Variants in NBEA observed in about 807,000 individuals in gnomAD.
NBEA encodes the protein neurobeachin.
Under a neutral mutation model 343.4 loss-of-function variants are expected in NBEA, and 44 were observed. The observed-to-expected ratio is 0.13, with a 90% CI of 0.10 to 0.16. The LOEUF is 0.16. Ranked by LOEUF, NBEA falls within the 10% of genes least tolerant of loss-of-function variation. The pLI is 1.00. For synonymous variants in NBEA, 1,175 were observed against 1,238.7 expected, an observed-to-expected ratio of 0.95 and a Z score of 1.08; for missense variants, 2,555 against 3,631.3, an observed-to-expected ratio of 0.70 and a Z score of 7.62.
chr13:35,522,908 G>T (rs1395484965), intron 41 of NBEA, among the ~76,000 whole-genome samples: 2 of 151,116 alleles, frequency 1.3e-5, no homozygotes, highest in Admixed American at 6.6e-5. Flanking sequence ...GTGCCAGAAA[G>T]GTTGAGGACT....
intron 35 of NBEA, among the ~76,000 whole-genome samples, chr13:35,307,878 T>C (rs965568918): frequency 2.0e-5 from 3 of 152,074 alleles, no homozygotes; most frequent in African/African-American, 7.2e-5. Flanking sequence ...TTTTCTGTAA[T>C]TGTTTTATAC....
At chr13:35,014,166 G>A (rs886673472) in intron 1 of NBEA, among the ~76,000 whole-genome samples, 2 of 152,014 alleles carry the variant, frequency 1.3e-5, no homozygotes, top group Non-Finnish European at 2.9e-5. Flanking sequence ...TCTCAAGCAG[G>A]TTCTGTGAAT....
At chr13:35,585,020 T>C (rs777985121) in intron 46 of NBEA, among the ~76,000 whole-genome samples, 1 of 151,320 alleles carries the variant, frequency 6.6e-6, no homozygotes, top group Non-Finnish European at 1.5e-5. Flanking sequence ...TCCCTCATTC[T>C]TTCTTCTTGG....
intron 10 of NBEA, among the ~76,000 whole-genome samples, chr13:35,084,748 G>C (rs558247772): frequency 6.6e-6 from 1 of 152,128 alleles, no homozygotes; most frequent in African/African-American, 2.4e-5. Context: ...AGAACTAAAG[G>C]AAATAGAGAC....
intron 41 of NBEA, among the ~76,000 whole-genome samples, chr13:35,533,584 C>A (rs929731266): frequency 6.6e-6 from 1 of 152,112 alleles, no homozygotes; most frequent in African/African-American, 2.4e-5. Context: ...AAGAATTTTT[C>A]TGCTCTAGCA....
At chr13:35,288,566 A>G (rs1301280552) in intron 34 of NBEA, among the ~76,000 whole-genome samples, 4 of 151,794 alleles carry the variant, frequency 2.6e-5, no homozygotes, top group Non-Finnish European at 5.9e-5. Context: ...ATTTGTTTAT[A>G]TTTTTCTTAT....
intron 38 of NBEA, among the ~76,000 whole-genome samples, chr13:35,362,487 A>G (rs1335581002): frequency 6.6e-6 from 1 of 151,842 alleles, no homozygotes; most frequent in Non-Finnish European, 1.5e-5. Context: ...TTTTACCTAG[A>G]AATGTGCTCT....
Position 34,974,409 on chromosome 13 carries a change from A to G in NBEA, c.294+31295A>G, listed in dbSNP as rs189048503. Among the ~76,000 whole-genome samples, 20 of 152,240 alleles carry G rather than the reference A, an allele frequency of 1.3e-4. No individual in the cohort carries two copies. In the South Asian group the frequency reaches 2.3e-3, roughly 17 times the overall value. ...GGAATGAATAAGCAAGCTGATATCA[A>G]TTTATCAGCTTATCTTGTTAGTTTC... On this transcript the variant is annotated intron_variant, in intron 1 of 58. Coordinates refer to ENST00000379939, the MANE Select transcript of NBEA (RefSeq NM_001385012.1).
chr13:35,267,170 A>G (rs1446972491), intron 34 of NBEA, among the ~76,000 whole-genome samples: 1 of 151,840 alleles, frequency 6.6e-6, no homozygotes, highest in Non-Finnish European at 1.5e-5. Context: ...ACGGAATAAA[A>G]TCCATATATA....
intron 45 of NBEA, among the ~76,000 whole-genome samples, chr13:35,569,759 G>T (rs1566337654): frequency 6.6e-6 from 1 of 152,130 alleles, no homozygotes; most frequent in Admixed American, 6.5e-5. Flanking sequence ...AGGTATAGTA[G>T]GGACTGTGCC....
rs2069439682 is a variant in NBEA at position 35,159,926 on chromosome 13, T to C, written c.3755T>C (p.Val1252Ala). 1.3e-6 allele frequency: 2 copies of C among 1,594,188 alleles called. No homozygotes were observed. The highest frequency in any genetic ancestry group is 2.7e-5 in the African/African-American group (2 of 74,564). ...ACTGAGTCTTCTAGTAGCAAAATTG[T>C]ACCAAATATTGATGCAGGAAGTATA... ...LETESSSSKI[V>A]PNIDAGSIIS... Residue 1252 changes from valine (V) to alanine (A), a missense_variant, in exon 22 of 59, where the codon GTA becomes GCA. By Grantham distance (64) the Val-to-Ala change is moderately conservative (BLOSUM62 0). Transcript: ENST00000379939.
intron 6 of NBEA, among the ~76,000 whole-genome samples, chr13:35,055,239 A>G (rs1406045356): frequency 6.6e-6 from 1 of 152,228 alleles, no homozygotes; most frequent in East Asian, 1.9e-4. Flanking sequence ...AATTATTTCT[A>G]TATTCTCGAT....
intron 17 of NBEA, among the ~76,000 whole-genome samples, chr13:35,137,178 C>T (rs774407013): frequency 6.6e-6 from 1 of 152,118 alleles, no homozygotes; most frequent in Non-Finnish European, 1.5e-5. Context: ...TGGCCGGGCA[C>T]GGTGGCTCAT....
chr13:34,967,617 G>A (rs906740357), intron 1 of NBEA, among the ~76,000 whole-genome samples: 5 of 152,034 alleles, frequency 3.3e-5, no homozygotes, highest in Non-Finnish European at 5.9e-5. Context: ...GACCAAAAAT[G>A]TGTGAAACAG....
intron 31 of NBEA, among the ~76,000 whole-genome samples, chr13:35,203,111 T>C (rs1289812873): frequency 2.0e-5 from 3 of 152,200 alleles, no homozygotes; most frequent in Non-Finnish European, 2.9e-5. Context: ...ATCTGTGACA[T>C]AGCAGCCAGA....
chr13:35,422,052 G>T (rs2044306251), intron 38 of NBEA, among the ~76,000 whole-genome samples: 2 of 145,708 alleles, frequency 1.4e-5, no homozygotes, highest in Admixed American at 6.8e-5. Flanking sequence ...TTATGTTTTT[G>T]CCAAATTTAG....
intron 1 of NBEA, among the ~76,000 whole-genome samples, chr13:35,029,390 G>T (rs9530039): frequency 0.38 from 57,384 of 151,200 alleles, 11,535 homozygotes; most frequent in East Asian, 0.49. Flanking sequence ...AACAAATCCA[G>T]AGTTTGAGAG....
chr13:35,155,639 A>T (rs1177618504), intron 18 of NBEA, 135 bp from the exon 19 acceptor site: 6 of 628,862 alleles, frequency 9.5e-6, no homozygotes, highest in Non-Finnish European at 1.6e-5. Flanking sequence ...AGAAAGAAAA[A>T]AGTCCCTTTA....
chr13:35,323,521 C>A (rs2038318741), intron 36 of NBEA, among the ~76,000 whole-genome samples: 1 of 139,038 alleles, frequency 7.2e-6, no homozygotes, highest in Non-Finnish European at 1.5e-5. Flanking sequence ...ACAATGAGAA[C>A]ACATGGACAC....
Sources: allele counts gnomAD v4.1 joint callset (sites outside exome capture counted in the v4.1 genomes callset), GRCh38; gene constraint gnomAD v4.1.1; transcripts MANE v1.5; gene names NCBI Gene and HGNC (gene_info 2026-07-23, HGNC 2026-07-21).